Variants in SNCAIP observed in about 807,000 individuals in gnomAD.
The protein encoded by SNCAIP is synphilin-1.
A neutral mutation model predicts 86.7 loss-of-function variants in SNCAIP; 43 were observed. That is an observed-to-expected ratio of 0.50 (90% CI 0.39 to 0.64). SNCAIP has a LOEUF of 0.64. Among genes scored for constraint, SNCAIP ranks in the 30% least tolerant of loss-of-function variants. SNCAIP has a pLI of 0.00. For synonymous variants in SNCAIP, 417 were observed against 427.2 expected, an observed-to-expected ratio of 0.98 and a Z score of 0.29; for missense variants, 981 against 1,103.1, an observed-to-expected ratio of 0.89 and a Z score of 1.57.
chr5:122,332,979 G>T (rs1042897594), intron 1 of SNCAIP, among the ~76,000 whole-genome samples: 3 of 152,184 alleles, frequency 2.0e-5, no homozygotes, highest in African/African-American at 7.2e-5. Context: ...TTCTTCCAAA[G>T]CTATTTGGTT....
chr5:122,402,618 G>A (rs1054346851), intron 2 of SNCAIP, among the ~76,000 whole-genome samples: 3 of 152,156 alleles, frequency 2.0e-5, no homozygotes, highest in South Asian at 2.1e-4. Flanking sequence ...CTGGTATCCT[G>A]GGGAAAGCAC....
chr5:122,452,323 G>A (rs1455654050), intron 10 of SNCAIP, among the ~76,000 whole-genome samples: 1 of 152,162 alleles, frequency 6.6e-6, no homozygotes, highest in Non-Finnish European at 1.5e-5. Context: ...TTTCCTGCAA[G>A]CTTTGTGCTT....
At chr5:122,449,082 A>G (rs1783147630) in intron 8 of SNCAIP, among the ~76,000 whole-genome samples, 1 of 152,162 alleles carries the variant, frequency 6.6e-6, no homozygotes, top group Non-Finnish European at 1.5e-5. Flanking sequence ...TGAACACATC[A>G]CAAATTGAAA....
chr5:122,374,640 A>G (rs1236849703), intron 1 of SNCAIP, among the ~76,000 whole-genome samples: 2 of 152,156 alleles, frequency 1.3e-5, no homozygotes, highest in African/African-American at 4.8e-5. Flanking sequence ...GAGAAACTAT[A>G]TGAACATTAA....
At chr5:122,340,972 A>G (rs1757457819) in intron 1 of SNCAIP, among the ~76,000 whole-genome samples, 1 of 152,224 alleles carries the variant, frequency 6.6e-6, no homozygotes, top group African/African-American at 2.4e-5. Flanking sequence ...TTAGGCATTC[A>G]TAAATTGAAT....
intron 3 of SNCAIP, among the ~76,000 whole-genome samples, chr5:122,422,383 A>G (rs992236020): frequency 2.6e-5 from 4 of 152,164 alleles, no homozygotes; most frequent in Admixed American, 2.6e-4. Flanking sequence ...ATAATTTGCC[A>G]CTTCTTTTCA....
At position 122,423,231 on chromosome 5, in the gene SNCAIP, T is replaced by C. The variant is rs910707239; in HGVS notation, c.494T>C (p.Leu165Pro). 1.2e-6 allele frequency: 2 copies of C among 1,614,180 alleles called. No individual in the cohort carries two copies. Among genetic ancestry groups the C allele is most frequent in the Non-Finnish European group, 8.5e-7 (1 of 1,180,026 alleles). The change falls in exon 4 of 11, where the codon CTT becomes CCT. Residue 165 changes from leucine (L) to proline (P), a missense_variant. By Grantham distance (98) the Leu-to-Pro change is moderately conservative. Transcript: ENST00000261368. ...DVPYIKSSQQ[L>P]ASFTKVTSEK... ...CCTTATATTAAATCCAGTCAGCAGC[T>C]TGCCTCTTTTACCAAGGTGACTTCA...
intron 10 of SNCAIP, among the ~76,000 whole-genome samples, chr5:122,460,644 A>C (rs1785964114): frequency 6.6e-6 from 1 of 152,148 alleles, no homozygotes; most frequent in African/African-American, 2.4e-5. Flanking sequence ...TTCAGTGTTA[A>C]TTATCATTAT....
Position 122,440,672 on chromosome 5 carries a change from G to A in SNCAIP, c.1340G>A (p.Gly447Asp), listed in dbSNP as rs1780689488. Residue 447 changes from glycine to aspartate, a missense_variant, in exon 7 of 11, where the codon GGC becomes GAC. Gly to Asp is a moderately conservative substitution (Grantham distance 94). Transcript: ENST00000261368. ...LWLLQFMQEQGISLDEVDQDG... is the reference protein window; with the variant it reads ...LWLLQFMQEQDISLDEVDQDG... ...CTTCTTCAGTTTATGCAAGAACAGG[G>A]CATCTCGTTGGATGAAGTAGACCAG... is the stretch of plus-strand genomic sequence containing the variant. The A allele has an allele frequency of 6.2e-7, 1 of 1,613,714 alleles. No homozygotes were observed. Among genetic ancestry groups the A allele is most frequent in the Admixed American group, 1.7e-5 (1 of 60,002 alleles).
rs576392456 is a variant in SNCAIP, at chr5:122,327,499, G to C, written c.-47+15215G>C. Among the ~76,000 whole-genome samples, 7 of 152,282 alleles carry C rather than the reference G, an allele frequency of 4.6e-5. No homozygotes were observed. The South Asian group carries it at 1.4e-3, about 32-fold the overall frequency. On this transcript the variant is annotated intron_variant, in intron 1 of 10. Coordinates refer to ENST00000261368, the MANE Select transcript of SNCAIP (RefSeq NM_005460.4). ...CCTGGTAGGAGGTGACTGGATCACA[G>C]GGGCAGTATCCCCCATGTTGTTCTC... is the stretch of plus-strand genomic sequence containing the variant.
chr5:122,404,384 A>G (rs1213386141), intron 3 of SNCAIP, among the ~76,000 whole-genome samples: 1 of 152,208 alleles, frequency 6.6e-6, no homozygotes, highest in Non-Finnish European at 1.5e-5. Flanking sequence ...AACTAAACAG[A>G]GAATTATGGC....
At chr5:122,389,816 A>T (rs1768955821) in intron 1 of SNCAIP, 1 of 152,134 alleles carries the variant, frequency 6.6e-6, no homozygotes, top group South Asian at 2.1e-4. Context: ...TGGTATATAC[A>T]TATGGGAAAA....
chr5:122,376,535 T>C (rs1188651607), intron 1 of SNCAIP, among the ~76,000 whole-genome samples: 2 of 152,170 alleles, frequency 1.3e-5, no homozygotes, highest in African/African-American at 4.8e-5. Flanking sequence ...ATGTTTTCTT[T>C]TTCTTTCCAG....
Position 122,451,103 on chromosome 5 carries a change from A to C in SNCAIP, c.2256A>C (p.Ser752=). The C allele has an allele frequency of 6.2e-7, 1 of 1,614,142 alleles. No homozygotes were observed. The highest frequency in any genetic ancestry group is 8.5e-7 in the Non-Finnish European group (1 of 1,180,006). ...SLDGHSPSPT[S]ESSEPDLESQ... ...ATGGCCACAGCCCATCTCCCACCTC[A>C]GAGAGCAGCGAACCAGACTTAGAAT... The change falls in exon 10 of 11, where the codon TCA becomes TCC. Residue 752 remains serine (S), a synonymous_variant. Coordinates refer to ENST00000261368, the MANE Select transcript of SNCAIP (RefSeq NM_005460.4).
intron 3 of SNCAIP, among the ~76,000 whole-genome samples, chr5:122,407,070 G>C (rs1242448842): frequency 6.6e-6 from 1 of 152,164 alleles, no homozygotes; most frequent in East Asian, 1.9e-4. Flanking sequence ...ACATGGTAAA[G>C]AACAAGACAG....
intron 1 of SNCAIP, among the ~76,000 whole-genome samples, chr5:122,381,797 A>G (rs1018475225): frequency 1.4e-4 from 21 of 152,060 alleles, no homozygotes; most frequent in African/African-American, 4.8e-4. Flanking sequence ...TCCTTCACTT[A>G]TGAAGCTTAG....
At chr5:122,372,530 T>G (rs1305091002) in intron 1 of SNCAIP, among the ~76,000 whole-genome samples, 2 of 152,160 alleles carry the variant, frequency 1.3e-5, no homozygotes, top group Admixed American at 6.5e-5. Flanking sequence ...GTAGAGTGGA[T>G]CACTATAATA....
intron 5 of SNCAIP, among the ~76,000 whole-genome samples, chr5:122,428,087 CAGA>C (rs1393695935): frequency 6.6e-6 from 1 of 152,104 alleles, no homozygotes; most frequent in African/African-American, 2.4e-5. Context: ...TAAAACAGGA[CAGA>C]AGAAGTAATT....
At chr5:122,360,018 A>T (rs1434886899) in intron 1 of SNCAIP, among the ~76,000 whole-genome samples, 1 of 152,032 alleles carries the variant, frequency 6.6e-6, no homozygotes, top group Non-Finnish European at 1.5e-5. Context: ...CTGCTTAAGA[A>T]CCTCTTTATG....
Sources: allele counts gnomAD v4.1 joint callset (sites outside exome capture counted in the v4.1 genomes callset), GRCh38; gene constraint gnomAD v4.1.1; transcripts MANE v1.5; gene names NCBI Gene and HGNC (gene_info 2026-07-23, HGNC 2026-07-21).